Variants in ZNF18 observed in about 807,000 individuals in gnomAD.
The protein encoded by ZNF18 is heart development-specific gene 1 protein.
A neutral mutation model predicts 58.1 loss-of-function variants in ZNF18; 42 were observed. That is an observed-to-expected ratio of 0.72 (90% CI 0.56 to 0.93). The LOEUF is 0.93. Ranked by LOEUF, ZNF18 falls within the 40% of genes least tolerant of loss-of-function variation. The probability of loss-of-function intolerance (pLI) is 0.00; values close to 1 mark genes in which losing one functional copy is unlikely to be tolerated. For missense variants in ZNF18, 540 were observed against 644.2 expected (o/e 0.84, Z 1.75); for synonymous variants, 231 against 239.8 (o/e 0.96, Z 0.34).
At chr17:11,991,921 G>A (rs1968150567) in intron 2 of ZNF18, among the ~76,000 whole-genome samples, 1 of 152,126 alleles carries the variant, frequency 6.6e-6, no homozygotes, top group East Asian at 1.9e-4. Context: ...AAACCATGAG[G>A]TTCAGGAAGC....
In ZNF18 at chr17:11,991,111, G is replaced by A. The variant is rs139692409; in HGVS notation, c.440C>T (p.Pro147Leu). 0.014 allele frequency: 23,273 copies of A among 1,614,102 alleles called. 223 individuals carry two copies. The highest frequency in any genetic ancestry group is 0.039 in the Middle Eastern group (235 of 6,062). ...QDILSEKMES[P>L]SCQVGEVEPH... Reference sequence around the variant, plus strand: ...CTCCACTTCCCCCACTTGGCAGCTTGGAGATTCCATCTTCTCTGATAAGAT... The same window carrying A: ...CTCCACTTCCCCCACTTGGCAGCTTAGAGATTCCATCTTCTCTGATAAGAT... The change falls in exon 3 of 7, where the codon CCA (proline) becomes CTA (leucine). Residue 147 changes from proline to leucine, a missense_variant. Coordinates refer to ENST00000580306, the MANE Select transcript of ZNF18 (RefSeq NM_001303281.2).
chr17:12,020,915 G>T, the ZNF18 span: 1 of 1,217,576 alleles, frequency 8.2e-7, no homozygotes, highest in Non-Finnish European at 1.0e-6. Context: ...AGCGGCGGCG[G>T]CGGCTCCGGG....
chr17:12,005,263 A>AT, the ZNF18 span, among the ~76,000 whole-genome samples: 1 of 151,940 alleles, frequency 6.6e-6, no homozygotes, highest in Non-Finnish European at 1.5e-5. Context: ...GTCATATTCT[A>AT]TCAAGTACTT....
intron 6 of ZNF18, among the ~76,000 whole-genome samples, chr17:11,979,142 T>C (rs1485882287): frequency 1.3e-5 from 2 of 148,652 alleles, no homozygotes; most frequent in Non-Finnish European, 3.0e-5. Flanking sequence ...AAAAAAAAAC[T>C]GAAGAGAGAG....
At chr17:12,012,257 T>A in the ZNF18 span, among the ~76,000 whole-genome samples, 1 of 152,218 alleles carries the variant, frequency 6.6e-6, no homozygotes, top group African/African-American at 2.4e-5. Context: ...TTCATCTGGC[T>A]TTTTAAAAGA....
rs139088220 is a variant in ZNF18 at position 11,980,665 on chromosome 17, C to T, written c.863-1921G>A. Among the ~76,000 whole-genome samples, 1,045 of 152,100 alleles carry T rather than the reference C, an allele frequency of 6.9e-3. 10 individuals carry two copies. The highest frequency in any genetic ancestry group is 0.042 in the East Asian group (216 of 5,176). On this transcript the variant is annotated intron_variant, in intron 6 of 6. Coordinates refer to ENST00000580306, the MANE Select transcript of ZNF18 (RefSeq NM_001303281.2). ...AACTCCTGACCTCAAATGATCCCCC[C>T]GCCTCAGCCTCCCACAGTGCTGGGA... is the stretch of plus-strand genomic sequence containing the variant.
At chr17:11,987,097 TGAAA>T (rs1177389432) in intron 4 of ZNF18, among the ~76,000 whole-genome samples, 1 of 152,238 alleles carries the variant, frequency 6.6e-6, no homozygotes, top group Non-Finnish European at 1.5e-5. Context: ...CTTTCTATCC[TGAAA>T]GACAGACACA....
At chr17:11,991,211 G>T (rs1968104601) in intron 2 of ZNF18, 48 bp from the exon 3 acceptor site, 3 of 1,516,994 alleles carry the variant, frequency 2.0e-6, no homozygotes, top group Non-Finnish European at 2.7e-6. Flanking sequence ...CCAGAGTAAG[G>T]ATCTCTAAAA....
chr17:12,009,899 A>C, the ZNF18 span, among the ~76,000 whole-genome samples: 1 of 152,200 alleles, frequency 6.6e-6, no homozygotes, highest in Non-Finnish European at 1.5e-5. Flanking sequence ...TCCAACATAC[A>C]GATTTGTGAG....
At chr17:11,998,339 A>C (rs1968587422), upstream of ZNF18, 1 of 152,208 alleles carries the variant, frequency 6.6e-6, no homozygotes, top group Non-Finnish European at 1.5e-5. Flanking sequence ...TGGAAGTATC[A>C]TGTCAAAGTT....
chr17:11,978,716 G>A lies in ZNF18; in HGVS notation c.891C>T (p.Asn297=). The A allele has an allele frequency of 3.7e-6, 6 of 1,600,360 alleles. No homozygotes were observed. The South Asian group carries it at 5.5e-5, about 15-fold the overall frequency. The change falls in exon 7 of 7, where the codon AAC becomes AAT. Residue 297 remains asparagine, a synonymous_variant. Transcript: ENST00000580306. ...IGDRQENDKE[N]LNLENHRDQE... ...GGTCCCTGTGATTCTCCAAATTTAG[G>A]TTCTCCTTGTCATTCTCTTGTCTAT... is the stretch of plus-strand genomic sequence containing the variant.
At chr17:12,021,160 C>T in the ZNF18 span, among the ~76,000 whole-genome samples, 1 of 151,762 alleles carries the variant, frequency 6.6e-6, no homozygotes, top group African/African-American at 2.4e-5. Flanking sequence ...CGCTCCCGGC[C>T]GCCTCCGGCC....
At chr17:12,001,347 G>A (rs1024553443), upstream of ZNF18, among the ~76,000 whole-genome samples, 4 of 151,944 alleles carry the variant, frequency 2.6e-5, no homozygotes, top group Non-Finnish European at 5.9e-5. Flanking sequence ...TGCATACCTC[G>A]GGCCGGGCGC....
upstream of ZNF18, among the ~76,000 whole-genome samples, chr17:12,001,678 TAA>T (rs1335164899): frequency 6.6e-6 from 1 of 152,052 alleles, no homozygotes. Context: ...TCAAAATCAC[TAA>T]AAGAGTAGAT....
At position 11,983,292 on chromosome 17, in the gene ZNF18, C is replaced by T. The variant is rs1391501474; in HGVS notation, c.862+5G>A. 1.2e-5 allele frequency: 19 copies of T among 1,602,090 alleles called. No homozygotes were observed. Among genetic ancestry groups the T allele is most frequent in the Non-Finnish European group, 1.6e-5 (19 of 1,169,384 alleles). On this transcript the variant is annotated splice_donor_5th_base_variant and intron_variant, in intron 6 of 6. Transcript: ENST00000580306. ...ATGATTCCAGACCAATGAAAGATTACTCACCTATGCAGGTGGGTCTTGGGA... is the reference window on the plus strand; with the variant it reads ...ATGATTCCAGACCAATGAAAGATTATTCACCTATGCAGGTGGGTCTTGGGA...
Position 11,977,710 on chromosome 17 carries a change from G to T in ZNF18, c.*247C>A. 2.3e-6 allele frequency: 1 copy of T among 444,380 alleles called. No homozygotes were observed. The highest frequency in any genetic ancestry group is 3.9e-6 in the Non-Finnish European group (1 of 256,934). 27.5% of individuals were successfully genotyped at this position (444,380 alleles called of 1,614,324 possible). A position where few individuals can be genotyped will look rare whatever the true frequency, so the allele number is the denominator to read the frequency against. On this transcript the variant is annotated 3_prime_UTR_variant, in exon 7 of 7. Coordinates refer to ENST00000580306, the MANE Select transcript of ZNF18 (RefSeq NM_001303281.2). The stretch of plus-strand genomic sequence containing the variant: ...AGACTTTTTCCCCGATGGGTCCAAA[G>T]GAAGGATGAGTGGAAACATGAAGAC...
At chr17:12,001,015 T>C (rs146261915), upstream of ZNF18, among the ~76,000 whole-genome samples, 164 of 152,264 alleles carry the variant, frequency 1.1e-3, no homozygotes, top group Non-Finnish European at 1.9e-3. Flanking sequence ...ATTAGAATGA[T>C]CCAGTAGGGA....
intron 1 of ZNF18, among the ~76,000 whole-genome samples, chr17:11,994,881 C>T (rs1056987541): frequency 6.6e-6 from 1 of 152,006 alleles, no homozygotes; most frequent in Non-Finnish European, 1.5e-5. Context: ...AGAGAAACTA[C>T]ATTTACTATT....
rs142573906 is a variant in ZNF18, at chr17:11,986,573, A to T, written c.667-2376T>A. 3.4e-4 allele frequency among the ~76,000 whole-genome samples: 52 copies of T among 152,320 alleles called. No individual in the cohort carries two copies. The East Asian group carries it at 4.4e-3, about 13-fold the overall frequency. Reference sequence around the variant, plus strand: ...ATTTTTAATGTGAACTTTAATTTAAATTTTTTAATTTTTAAAGTATAAACA... The same window carrying T: ...ATTTTTAATGTGAACTTTAATTTAATTTTTTTAATTTTTAAAGTATAAACA... On this transcript the variant is annotated intron_variant, in intron 4 of 6. Coordinates refer to ENST00000580306, the MANE Select transcript of ZNF18 (RefSeq NM_001303281.2).
Sources: allele counts gnomAD v4.1 joint callset (sites outside exome capture counted in the v4.1 genomes callset), GRCh38; gene constraint gnomAD v4.1.1; transcripts MANE v1.5; gene names NCBI Gene and HGNC (gene_info 2026-07-23, HGNC 2026-07-21).